Variants in LUZP2 observed in about 807,000 individuals in gnomAD.
LUZP2 encodes leucine zipper protein 2.
LUZP2 carries 52 observed loss-of-function variants against 51.6 expected under a neutral mutation model. The ratio of observed to expected loss-of-function variants is 1.01; its 90% CI spans 0.81 to 1.27. The LOEUF (loss-of-function observed/expected upper bound fraction) is 1.27, where lower values mean the gene tolerates loss of function less well. Among genes scored for constraint, LUZP2 ranks in the 50% most tolerant of loss-of-function variants. The pLI is 0.00. For missense variants in LUZP2, 436 were observed against 395.4 expected (o/e 1.10, Z -0.87); for synonymous variants, 154 against 137.3 (o/e 1.12, Z -0.85).
At chr11:24,566,849 TAC>T (rs1161608294) in intron 1 of LUZP2, among the ~76,000 whole-genome samples, 1 of 144,676 alleles carries the variant, frequency 6.9e-6, no homozygotes, top group Admixed American at 7.1e-5. Flanking sequence ...AAGGTATATA[TAC>T]ATATATAATG....
At position 24,497,385 on chromosome 11, in the gene LUZP2, G is replaced by A. The variant is rs571949979; in HGVS notation, c.62+80G>A. On this transcript the variant is annotated intron_variant, in intron 1 of 11. Transcript: ENST00000336930. ...GGTCCTACTGTGGGTCACCAGTGGG[G>A]GCCAAGGCACTTCAGCTGTTTGCAT... The A allele has an allele frequency of 7.6e-5, 80 of 1,058,214 alleles. 1 individual carries two copies. The South Asian group carries it at 1.6e-3, about 21-fold the overall frequency. 65.6% of individuals were successfully genotyped at this position (1,058,214 alleles called of 1,614,324 possible).
At chr11:24,784,349 GT>G (rs1255769253) in intron 5 of LUZP2, among the ~76,000 whole-genome samples, 2 of 151,196 alleles carry the variant, frequency 1.3e-5, no homozygotes, top group East Asian at 1.9e-4. Flanking sequence ...ATTAAAAAAT[GT>G]TTTTTTGAAA....
chr11:24,917,502 A>C (rs1020351684), intron 7 of LUZP2, among the ~76,000 whole-genome samples: 3 of 152,044 alleles, frequency 2.0e-5, no homozygotes, highest in African/African-American at 4.8e-5. Context: ...ATCTTGAATT[A>C]ATTTTTGTAT....
At position 24,696,481 on chromosome 11, in the gene LUZP2, G is replaced by A. The variant is rs947394813; in HGVS notation, c.63-32688G>A. Among the ~76,000 whole-genome samples the A allele has an allele frequency of 3.3e-5, 5 of 151,866 alleles. No homozygotes were observed. In the South Asian group the frequency reaches 6.2e-4, roughly 19 times the overall value. On this transcript the variant is annotated intron_variant, in intron 1 of 11. Transcript: ENST00000336930. ...AATTACCTATATATAATCAAACTCC[G>A]ATGCTTTCAAAAATTGTATCTTTCA... is the stretch of plus-strand genomic sequence containing the variant.
chr11:24,648,903 T>A (rs553519310), intron 1 of LUZP2, among the ~76,000 whole-genome samples: 1 of 152,128 alleles, frequency 6.6e-6, no homozygotes, highest in Admixed American at 6.6e-5. Context: ...ACCTAATATT[T>A]TCTTTAATGA....
chr11:24,671,248 A>G (rs1856393177), intron 1 of LUZP2, among the ~76,000 whole-genome samples: 1 of 151,802 alleles, frequency 6.6e-6, no homozygotes, highest in African/African-American at 2.4e-5. Flanking sequence ...TATAGATCTT[A>G]TTATTGTTTT....
intron 5 of LUZP2, among the ~76,000 whole-genome samples, chr11:24,765,407 G>A (rs951050463): frequency 1.3e-5 from 2 of 152,092 alleles, no homozygotes; most frequent in African/African-American, 2.4e-5. Flanking sequence ...TTAGGGAAGT[G>A]CCAAAAGATG....
intron 1 of LUZP2, among the ~76,000 whole-genome samples, chr11:24,616,152 C>G (rs1854278766): frequency 6.6e-6 from 1 of 151,654 alleles, no homozygotes; most frequent in Non-Finnish European, 1.5e-5. Context: ...TAATTTTCAC[C>G]CCACTTCACT....
Position 24,789,746 on chromosome 11 carries a change from A to G in LUZP2, c.396+26438A>G, listed in dbSNP as rs527612366. ...GGACTCACTTTCTGGCTCAAAGATG[A>G]CACCTCTTGCTGTGTCCCCACATGG... is the stretch of plus-strand genomic sequence containing the variant. On this transcript the variant is annotated intron_variant, in intron 5 of 11. Transcript: ENST00000336930. Among the ~76,000 whole-genome samples the G allele has an allele frequency of 5.5e-4, 84 of 152,294 alleles. 1 individual carries two copies. The highest frequency in any genetic ancestry group is 5.9e-5 in the Non-Finnish European group (4 of 68,026).
intron 9 of LUZP2, among the ~76,000 whole-genome samples, chr11:25,044,251 G>GTATATATATA (rs1192643851): frequency 5.1e-5 from 6 of 117,640 alleles, no homozygotes; most frequent in Middle Eastern, 5.6e-3. Context: ...GTGTGTGTGT[G>GTATATATATA]TGTGTGTATA....
At chr11:24,654,138 C>G (rs1565055517) in intron 1 of LUZP2, among the ~76,000 whole-genome samples, 1 of 152,050 alleles carries the variant, frequency 6.6e-6, no homozygotes, top group Non-Finnish European at 1.5e-5. Flanking sequence ...AGACAGAAGC[C>G]AGACAATGCA....
chr11:24,758,540 T>A (rs10834477), intron 4 of LUZP2, among the ~76,000 whole-genome samples: 1 of 151,940 alleles, frequency 6.6e-6, no homozygotes, highest in Non-Finnish European at 1.5e-5. Flanking sequence ...TTAACACATA[T>A]TTATAACTTT....
rs577690294 is a variant in LUZP2, at chr11:25,010,415, G to A, written c.765+27122G>A. On this transcript the variant is annotated intron_variant, in intron 9 of 11. Coordinates refer to ENST00000336930, the MANE Select transcript of LUZP2 (RefSeq NM_001009909.4). ...CTAAAAACTACGAAATTGGCCAAGG[G>A]GATTCACCTGTCATCCTAGCTACTC... 4.6e-5 allele frequency among the ~76,000 whole-genome samples: 7 copies of A among 152,036 alleles called. No homozygotes were observed. The South Asian group carries it at 1.5e-3, about 32-fold the overall frequency.
chr11:24,689,823 G>T (rs1183332706), intron 1 of LUZP2, among the ~76,000 whole-genome samples: 4 of 151,854 alleles, frequency 2.6e-5, no homozygotes, highest in Non-Finnish European at 5.9e-5. Context: ...TTTTCATAAC[G>T]CTTTCCATTG....
At chr11:24,905,698 A>G (rs1853428499) in intron 5 of LUZP2, among the ~76,000 whole-genome samples, 1 of 152,202 alleles carries the variant, frequency 6.6e-6, no homozygotes, top group South Asian at 2.1e-4. Context: ...AAATTAAATT[A>G]ACTTTTTTTT....
intron 5 of LUZP2, among the ~76,000 whole-genome samples, chr11:24,856,809 A>C (rs1851580799): frequency 6.6e-6 from 1 of 152,228 alleles, no homozygotes; most frequent in Non-Finnish European, 1.5e-5. Flanking sequence ...ATGGAACTAG[A>C]GGCCATTATC....
chr11:24,769,668 T>G (rs1590487074), intron 5 of LUZP2, among the ~76,000 whole-genome samples: 1 of 150,432 alleles, frequency 6.6e-6, no homozygotes, highest in African/African-American at 2.5e-5. Context: ...GATATTTTTT[T>G]CCTTATTTTC....
At position 24,554,249 on chromosome 11, in the gene LUZP2, A is replaced by G. The variant is rs545416648; in HGVS notation, c.62+56944A>G. On this transcript the variant is annotated intron_variant, in intron 1 of 11. Transcript: ENST00000336930. ...TTTCTTCCCTCATTGTTCTAAGAAT[A>G]CATGTATGATATGATTTTAAACCTG... 3.9e-5 allele frequency among the ~76,000 whole-genome samples: 6 copies of G among 152,298 alleles called. No homozygotes were observed. In the East Asian group the frequency reaches 1.2e-3, roughly 29 times the overall value.
intron 7 of LUZP2, among the ~76,000 whole-genome samples, chr11:24,970,119 C>T (rs1183040338): frequency 6.6e-6 from 1 of 152,062 alleles, no homozygotes; most frequent in Non-Finnish European, 1.5e-5. Flanking sequence ...GGTAGGTTTA[C>T]TATCTTTGAT....
Sources: allele counts gnomAD v4.1 joint callset (sites outside exome capture counted in the v4.1 genomes callset), GRCh38; gene constraint gnomAD v4.1.1; transcripts MANE v1.5; gene names NCBI Gene and HGNC (gene_info 2026-07-23, HGNC 2026-07-21).